PTPRM: variants seen among roughly 807,000 people sequenced by gnomAD.
PTPRM encodes the protein receptor-type tyrosine-protein phosphatase mu.
In PTPRM, 47 loss-of-function variants were observed where a neutral mutation model predicts 186.7. The observed-to-expected ratio is 0.25, with a 90% confidence interval of 0.20 to 0.32. The LOEUF (loss-of-function observed/expected upper bound fraction) is 0.32. PTPRM is among the 10% of genes least tolerant of loss of function. PTPRM has a pLI of 1.00. For synonymous variants in PTPRM, 668 were observed against 674.9 expected (o/e 0.99, Z 0.16); for missense variants, 1,494 against 1,865.0 (o/e 0.80, Z 3.66).
At chr18:7,999,182 G>A (rs543209109) in intron 7 of PTPRM, among the ~76,000 whole-genome samples, 39 of 152,204 alleles carry the variant, frequency 2.6e-4, no homozygotes, top group African/African-American at 9.1e-4. Context: ...GAACACTTGA[G>A]AGAATCCCAT....
At chr18:8,084,291 A>T (rs2090314989) in intron 9 of PTPRM, among the ~76,000 whole-genome samples, 1 of 152,190 alleles carries the variant, frequency 6.6e-6, no homozygotes, top group Non-Finnish European at 1.5e-5. Context: ...TCTCCTCCAA[A>T]CTGCCTTGTT....
At chr18:8,203,755 C>T (rs1329243829) in intron 14 of PTPRM, among the ~76,000 whole-genome samples, 1 of 152,136 alleles carries the variant, frequency 6.6e-6, no homozygotes, top group Non-Finnish European at 1.5e-5. Flanking sequence ...AAAGTAAACA[C>T]ACACACACAT....
At position 8,311,141 on chromosome 18, in the gene PTPRM, T is replaced by C. The variant is rs775437191; in HGVS notation, c.2843-3640T>C. Among the ~76,000 whole-genome samples the C allele has an allele frequency of 1.3e-4, 20 of 152,224 alleles. No homozygotes were observed. The South Asian group carries it at 2.1e-3, about 16-fold the overall frequency. On this transcript the variant is annotated intron_variant, in intron 20 of 32. Transcript: ENST00000580170. Reference sequence around the variant, plus strand: ...CTGGTCAACATGGTGAAATCCCATCTCTACTTAAAATATAAAAATTAGCCA... The same window carrying C: ...CTGGTCAACATGGTGAAATCCCATCCCTACTTAAAATATAAAAATTAGCCA...
At chr18:7,669,674 A>G (rs1416344210) in intron 1 of PTPRM, among the ~76,000 whole-genome samples, 1 of 152,136 alleles carries the variant, frequency 6.6e-6, no homozygotes, top group African/African-American at 2.4e-5. Flanking sequence ...TTCCCTCCCC[A>G]TGCAAGGCAC....
At chr18:8,384,321 G>T (rs1245412352) in intron 29 of PTPRM, among the ~76,000 whole-genome samples, 1 of 152,094 alleles carries the variant, frequency 6.6e-6, no homozygotes, top group Non-Finnish European at 1.5e-5. Flanking sequence ...AGCCAGGCAT[G>T]GTAGCACACA....
chr18:8,095,367 A>C (rs1268124982), intron 11 of PTPRM, among the ~76,000 whole-genome samples: 1 of 152,094 alleles, frequency 6.6e-6, no homozygotes, highest in Non-Finnish European at 1.5e-5. Flanking sequence ...GTGGCAAGGA[A>C]TAAAAAAATG....
chr18:8,368,003 T>C (rs2095642404), intron 23 of PTPRM, among the ~76,000 whole-genome samples: 1 of 152,162 alleles, frequency 6.6e-6, no homozygotes, highest in Non-Finnish European at 1.5e-5. Context: ...CGGGTGTGTG[T>C]GTTTTGTTCA....
At chr18:8,167,914 C>G (rs954684280) in intron 14 of PTPRM, among the ~76,000 whole-genome samples, 5 of 152,176 alleles carry the variant, frequency 3.3e-5, no homozygotes, top group Non-Finnish European at 7.3e-5. Context: ...CATGTTAAGC[C>G]TTTATGGTGA....
rs551264087 is a variant in PTPRM, at chr18:8,209,812, A to C, written c.2301-34246A>C. Among the ~76,000 whole-genome samples the C allele has an allele frequency of 1.6e-3, 249 of 151,790 alleles. 2 individuals are homozygous for C. Among genetic ancestry groups the C allele is most frequent in the African/African-American group, 5.6e-3 (232 of 41,360 alleles). On this transcript the variant is annotated intron_variant, in intron 14 of 32. Coordinates refer to ENST00000580170, the MANE Select transcript of PTPRM (RefSeq NM_001105244.2). ...CACAGGGAGGCGAACAACACACACC[A>C]GGGCCTGTCAGGGTGAGGGGTAAGG...
At chr18:8,308,361 A>G (rs537650331) in intron 20 of PTPRM, among the ~76,000 whole-genome samples, 7 of 152,354 alleles carry the variant, frequency 4.6e-5, no homozygotes, top group African/African-American at 1.7e-4. Flanking sequence ...TTCCTGTTTT[A>G]TGTATTCCCT....
intron 1 of PTPRM, among the ~76,000 whole-genome samples, chr18:7,640,506 A>G (rs2038420167): frequency 6.6e-6 from 1 of 152,128 alleles, no homozygotes; most frequent in Admixed American, 6.6e-5. Flanking sequence ...AAATATATAT[A>G]TATGACTGGG....
At chr18:7,937,765 T>G (rs995017632) in intron 5 of PTPRM, among the ~76,000 whole-genome samples, 2 of 152,192 alleles carry the variant, frequency 1.3e-5, no homozygotes, top group African/African-American at 2.4e-5. Context: ...GTGACCAAGG[T>G]AGTTATAATT....
chr18:7,657,317 C>T (rs78300141), intron 1 of PTPRM, among the ~76,000 whole-genome samples: 140 of 152,276 alleles, frequency 9.2e-4, no homozygotes, highest in African/African-American at 3.1e-3. Context: ...GGGCAGTCCA[C>T]GATGGGGGCC....
intron 3 of PTPRM, among the ~76,000 whole-genome samples, chr18:7,889,405 C>T (rs1428167608): frequency 2.1e-5 from 3 of 142,808 alleles, no homozygotes; most frequent in African/African-American, 5.3e-5. Context: ...GTTGTGATCA[C>T]AATTCACTCC....
chr18:8,034,465 T>TA (rs1036805897), intron 7 of PTPRM, among the ~76,000 whole-genome samples: 16 of 151,038 alleles, frequency 1.1e-4, no homozygotes, highest in African/African-American at 2.4e-4. Context: ...CCTGTGAAAC[T>TA]AAAAAAAAAG....
intron 1 of PTPRM, among the ~76,000 whole-genome samples, chr18:7,616,213 G>A (rs1937704545): frequency 1.3e-5 from 2 of 152,116 alleles, no homozygotes; most frequent in African/African-American, 2.4e-5. Context: ...CTGGAGTGTG[G>A]TGGTGCCATC....
chr18:7,973,278 A>G (rs1321795919), intron 7 of PTPRM, among the ~76,000 whole-genome samples: 6 of 152,192 alleles, frequency 3.9e-5, no homozygotes, highest in Admixed American at 3.9e-4. Flanking sequence ...GGCCAAAGAT[A>G]TATGCATTTA....
intron 14 of PTPRM, among the ~76,000 whole-genome samples, chr18:8,196,708 C>G (rs1292112731): frequency 6.6e-6 from 1 of 152,226 alleles, no homozygotes; most frequent in Non-Finnish European, 1.5e-5. Context: ...GAGCCCAGCA[C>G]TGACGTTTCT....
intron 14 of PTPRM, among the ~76,000 whole-genome samples, chr18:8,161,828 T>C (rs2093235435): frequency 6.6e-6 from 1 of 152,128 alleles, no homozygotes; most frequent in South Asian, 2.1e-4. Context: ...GCCTGCATCC[T>C]ACTTCGTGAT....
Sources: gnomAD v4.1 joint callset for allele counts (sites outside exome capture counted in the v4.1 genomes callset) on GRCh38, gnomAD v4.1.1 for gene constraint, MANE v1.5 for transcripts, NCBI Gene and HGNC (gene_info 2026-07-23, HGNC 2026-07-21) for gene names.